The following FGGY variants were observed in gnomAD, a reference collection of about 807,000 sequenced individuals.
FGGY encodes the protein FGGY carbohydrate kinase domain-containing protein.
Under a neutral mutation model 71.3 loss-of-function variants are expected in FGGY, and 72 were observed. The ratio of observed to expected loss-of-function variants is 1.01; its 90% CI spans 0.84 to 1.23. FGGY has a LOEUF of 1.23. FGGY is among the 50% of genes most tolerant of loss of function. The pLI, the probability that FGGY is intolerant of heterozygous loss-of-function variation, is 0.00. For synonymous variants in FGGY, 251 were observed against 250.3 expected (o/e 1.00, Z -0.02); for missense variants, 668 against 682.3 (o/e 0.98, Z 0.23).
intron 5 of FGGY, among the ~76,000 whole-genome samples, chr1:59,427,404 A>G (rs551237525): frequency 1.5e-4 from 23 of 152,230 alleles, no homozygotes; most frequent in African/African-American, 4.8e-4. Flanking sequence ...TGCTTTACTC[A>G]TGACCGAATG....
chr1:59,590,050 TAAA>T (rs2096398870), intron 8 of FGGY, among the ~76,000 whole-genome samples: 1 of 151,148 alleles, frequency 6.6e-6, no homozygotes, highest in African/African-American at 2.4e-5. Context: ...GCAAGACTAA[TAAA>T]GAAGAAAAGA....
chr1:59,621,876 G>A (rs1444431770), intron 9 of FGGY, among the ~76,000 whole-genome samples: 1 of 150,754 alleles, frequency 6.6e-6, no homozygotes, highest in African/African-American at 2.4e-5. Context: ...ATTTTTTTTT[G>A]TTTGTTTCTT....
At chr1:59,726,668 A>G (rs2097951807) in intron 14 of FGGY, among the ~76,000 whole-genome samples, 1 of 152,122 alleles carries the variant, frequency 6.6e-6, no homozygotes, top group Non-Finnish European at 1.5e-5. Context: ...TTGTCTTTCA[A>G]AGAAGTAGTC....
At chr1:59,673,971 C>A in intron 13 of FGGY, 68 bp from the exon 14 acceptor site, 1 of 1,425,428 alleles carries the variant, frequency 7.0e-7, no homozygotes, top group Non-Finnish European at 9.8e-7. Context: ...GCCACTGCGG[C>A]TGCTTGTTGG....
chr1:59,705,785 T>A (rs9804070), intron 14 of FGGY, among the ~76,000 whole-genome samples: 121,097 of 152,228 alleles, frequency 0.8, 48,654 homozygotes, highest in Non-Finnish European at 0.86. Flanking sequence ...GTTTCAGCAC[T>A]TGGTATCTGC....
chr1:59,716,680 A>G (rs905607564), intron 14 of FGGY, among the ~76,000 whole-genome samples: 45 of 152,342 alleles, frequency 3.0e-4, no homozygotes, highest in African/African-American at 1.1e-3. Context: ...TAGTACAGAC[A>G]GTAAGTGAGT....
At chr1:59,660,460 G>C in intron 12 of FGGY, 167 bp downstream of exon 12, 2 of 487,246 alleles carry the variant, frequency 4.1e-6, no homozygotes, top group Non-Finnish European at 7.2e-6. Flanking sequence ...TTGATGAAAG[G>C]CCTCACCTGC....
chr1:59,697,645 C>T (rs2097673355), intron 14 of FGGY: 2 of 1,303,078 alleles, frequency 1.5e-6, no homozygotes, highest in South Asian at 2.5e-5. Context: ...GACTTCTTTC[C>T]AGTGGGGGAA....
At chr1:59,693,205 G>A (rs906140960) in intron 14 of FGGY, among the ~76,000 whole-genome samples, 4 of 152,242 alleles carry the variant, frequency 2.6e-5, no homozygotes, top group Non-Finnish European at 2.9e-5. Flanking sequence ...ACAGCTTGAC[G>A]TGCTAGAAAG....
intron 7 of FGGY, among the ~76,000 whole-genome samples, chr1:59,543,468 C>G (rs778720805): frequency 3.9e-5 from 6 of 152,210 alleles, no homozygotes; most frequent in Non-Finnish European, 8.8e-5. Context: ...GGAGAGCCCT[C>G]TAACCCTCCC....
intron 3 of FGGY, among the ~76,000 whole-genome samples, chr1:59,342,683 A>C (rs1043613650): frequency 6.6e-6 from 1 of 152,288 alleles, no homozygotes; most frequent in African/African-American, 2.4e-5. Flanking sequence ...TCCTACCTGC[A>C]TGGCAGCGAC....
intron 11 of FGGY, among the ~76,000 whole-genome samples, chr1:59,653,817 C>T (rs534679472): frequency 2.6e-5 from 4 of 152,192 alleles, no homozygotes; most frequent in Non-Finnish European, 4.4e-5. Flanking sequence ...TGGGTCAAAT[C>T]TTTCTCATGC....
intron 1 of FGGY, among the ~76,000 whole-genome samples, chr1:59,304,419 T>C (rs1265834659): frequency 6.6e-6 from 1 of 152,116 alleles, no homozygotes; most frequent in Non-Finnish European, 1.5e-5. Flanking sequence ...ATTGGTTCCA[T>C]TAGTGTATAT....
chr1:59,440,652 C>T (rs1335540041), intron 5 of FGGY, among the ~76,000 whole-genome samples: 1 of 147,066 alleles, frequency 6.8e-6, no homozygotes, highest in African/African-American at 2.5e-5. Flanking sequence ...ATGTACCATC[C>T]TTGCATCTAG....
At chr1:59,393,774 T>C (rs2060985419) in intron 5 of FGGY, among the ~76,000 whole-genome samples, 1 of 152,176 alleles carries the variant, frequency 6.6e-6, no homozygotes, top group Admixed American at 6.6e-5. Context: ...TTTTTGATGA[T>C]GGGAAAGAGG....
At chr1:59,617,156 T>C (rs1572162137) in intron 9 of FGGY, among the ~76,000 whole-genome samples, 1 of 152,026 alleles carries the variant, frequency 6.6e-6, no homozygotes, top group East Asian at 1.9e-4. Flanking sequence ...AGTAGTACAT[T>C]GTCCATGGTT....
At chr1:59,759,984 A>G (rs764693727) in intron 15 of FGGY, among the ~76,000 whole-genome samples, 3 of 152,240 alleles carry the variant, frequency 2.0e-5, no homozygotes, top group Admixed American at 6.5e-5. Flanking sequence ...ATTGAAAGAC[A>G]CTATCAACAG....
intron 14 of FGGY, among the ~76,000 whole-genome samples, chr1:59,754,255 T>C (rs1365929278): frequency 6.6e-6 from 1 of 152,236 alleles, no homozygotes; most frequent in Non-Finnish European, 1.5e-5. Flanking sequence ...AGGCACATCA[T>C]AGATTTTTGG....
chr1:59,492,363 A>G (rs967733874), intron 6 of FGGY, among the ~76,000 whole-genome samples: 2 of 152,268 alleles, frequency 1.3e-5, no homozygotes, highest in Non-Finnish European at 2.9e-5. Flanking sequence ...GGAACTCTAT[A>G]CATGCATAAG....
Sources: allele counts gnomAD v4.1 joint callset (sites outside exome capture counted in the v4.1 genomes callset), GRCh38; gene constraint gnomAD v4.1.1; transcripts MANE v1.5; gene names NCBI Gene and HGNC (gene_info 2026-07-23, HGNC 2026-07-21).